TNRC6B: variants seen among roughly 807,000 people sequenced by gnomAD.
TNRC6B encodes the protein trinucleotide repeat-containing gene 6B protein.
A neutral mutation model predicts 203.6 loss-of-function variants in TNRC6B; 52 were observed. The observed-to-expected ratio is 0.26, with a 90% CI of 0.20 to 0.32. TNRC6B has a LOEUF of 0.32. TNRC6B is among the 10% of genes least tolerant of loss of function. The pLI, the probability that TNRC6B is intolerant of heterozygous loss-of-function variation, is 1.00. For synonymous variants in TNRC6B, 838 were observed against 845.7 expected, an observed-to-expected ratio of 0.99 and a Z score of 0.16; for missense variants, 1,923 against 2,286.2, an observed-to-expected ratio of 0.84 and a Z score of 3.24.
In TNRC6B at chr22:40,334,575, ATC is replaced by A. The variant is rs1335077939; in HGVS notation, c.*11336_*11337del. 1.3e-5 allele frequency: 2 copies of A among 152,612 alleles called. No individual in the cohort carries two copies. Among genetic ancestry groups the A allele is most frequent in the Admixed American group, 6.5e-5 (1 of 15,276 alleles). The allele number at this position is 152,612 out of a possible 1,614,324, so 9.5% of individuals were successfully genotyped here. A position where few individuals can be genotyped will look rare whatever the true frequency, so the allele number is the denominator to read the frequency against. ...TGAGGAGAGGTTTCTGGACTATTTT[ATC>A]TGTCTCCATTTAGATGGAGATATAA... On this transcript the variant is annotated 3_prime_UTR_variant, in exon 23 of 23. Transcript: ENST00000454349.
chr22:40,228,777 G>A (rs2069827267), intron 1 of TNRC6B, among the ~76,000 whole-genome samples: 1 of 151,816 alleles, frequency 6.6e-6, no homozygotes, highest in Non-Finnish European at 1.5e-5. Context: ...ACCCACCTCG[G>A]CCTCCCAAAG....
chr22:40,301,479 C>A, intron 15 of TNRC6B, 146 bp downstream of exon 15: 2 of 898,802 alleles, frequency 2.2e-6, no homozygotes, highest in Non-Finnish European at 3.3e-6. Context: ...GATGAGACAT[C>A]TGAGGCTTCT....
At chr22:40,306,814 C>T (rs1287465271) in intron 15 of TNRC6B, among the ~76,000 whole-genome samples, 1 of 152,048 alleles carries the variant, frequency 6.6e-6, no homozygotes, top group African/African-American at 2.4e-5. Context: ...GGTGAAACCC[C>T]GTCTCTACTA....
chr22:40,327,831 G>A lies in TNRC6B; in HGVS notation c.*4590G>A, dbSNP rs1300733734. The A allele has an allele frequency of 6.6e-6, 1 of 151,352 alleles. No homozygotes were observed. The highest frequency in any genetic ancestry group is 2.4e-5 in the African/African-American group (1 of 41,228). 9.4% of individuals were successfully genotyped at this position (151,352 alleles called of 1,614,324 possible). A position where few individuals can be genotyped will look rare whatever the true frequency, so the allele number is the denominator to read the frequency against. On this transcript the variant is annotated 3_prime_UTR_variant, in exon 23 of 23. Transcript: ENST00000454349. ...TTTATTTTAAAAACATTTTGATTAT[G>A]TTAATTTGAGCTTTCCCTTTTTTTT... is the stretch of plus-strand genomic sequence containing the variant.
In TNRC6B at chr22:40,085,841, G is replaced by A. The variant is rs558328705; in HGVS notation, c.-120-31214G>A. Among the ~76,000 whole-genome samples, 8 of 134,846 alleles carry A rather than the reference G, an allele frequency of 5.9e-5. No individual in the cohort carries two copies. In the East Asian group the frequency reaches 1.4e-3, roughly 23 times the overall value. The allele number at this position is 134,846 out of a possible 152,430, so 88.5% of individuals were successfully genotyped here. On this transcript the variant is annotated intron_variant, in intron 1 of 23. Transcript: ENST00000301923. The stretch of plus-strand genomic sequence containing the variant: ...TTTGTTAGCTAGAGAAACTATTTTT[G>A]TTGTTGCTGTTGTTGTTGTTGTTGT...
intron 1 of TNRC6B, among the ~76,000 whole-genome samples, chr22:40,209,416 GGCTTGGAAATCA>G (rs1156530456): frequency 6.6e-6 from 1 of 152,044 alleles, no homozygotes; most frequent in East Asian, 1.9e-4. Flanking sequence ...TAAGAACATG[GGCTTGGAAATCA>G]GACAAACAAA....
chr22:40,193,528 A>G (rs2146396613), intron 1 of TNRC6B, among the ~76,000 whole-genome samples: 1 of 152,242 alleles, frequency 6.6e-6, no homozygotes, highest in Middle Eastern at 3.4e-3. Context: ...CGTGAGGATG[A>G]GCTCTACCTC....
At chr22:40,158,642 ATGCCATGTGTCGTATCCT>A (rs1188233749) in intron 4 of TNRC6B, among the ~76,000 whole-genome samples, 1 of 152,158 alleles carries the variant, frequency 6.6e-6, no homozygotes, top group Non-Finnish European at 1.5e-5. Context: ...GCAAGTTGGA[ATGCCATGTGTCGTATCCT>A]TACCATTCTC....
chr22:40,205,816 T>C (rs1476257862), intron 1 of TNRC6B, among the ~76,000 whole-genome samples: 1 of 152,218 alleles, frequency 6.6e-6, no homozygotes, highest in Non-Finnish European at 1.5e-5. Context: ...GCTACTTTGA[T>C]TGGCAGAACC....
At position 40,330,453 on chromosome 22, in the gene TNRC6B, C is replaced by T. The variant is rs539866572; in HGVS notation, c.*7212C>T. The T allele has an allele frequency of 7.2e-5, 11 of 152,258 alleles. No individual in the cohort carries two copies. The highest frequency in any genetic ancestry group is 2.6e-4 in the African/African-American group (11 of 41,526). The allele number at this position is 152,258 out of a possible 1,614,324, so 9.4% of individuals were successfully genotyped here. A position where few individuals can be genotyped will look rare whatever the true frequency, so the allele number is the denominator to read the frequency against. On this transcript the variant is annotated 3_prime_UTR_variant, in exon 23 of 23. Transcript: ENST00000454349. ...GGACTAGCCCTACAGAAGAGCTTTA[C>T]AGAGAGGAGGACAGTACATCCTATG...
chr22:40,253,826 C>A, intron 3 of TNRC6B: 1 of 425,958 alleles, frequency 2.3e-6, no homozygotes, highest in Admixed American at 2.6e-5. Flanking sequence ...TCTCCTTCTT[C>A]TTCTCTTACC....
rs190974007 is a variant in TNRC6B at position 40,149,159 on chromosome 22, A to G, written c.46-6956A>G. On this transcript the variant is annotated intron_variant, in intron 3 of 23. Transcript: ENST00000301923. The stretch of plus-strand genomic sequence containing the variant: ...ATCAAATTGTGATACATTCTGAACA[A>G]TGGAATACTACTCAGCTGTGAAAGG... Among the ~76,000 whole-genome samples the G allele has an allele frequency of 2.6e-5, 4 of 152,364 alleles. No homozygotes were observed. The East Asian group carries it at 7.7e-4, about 29-fold the overall frequency.
intron 13 of TNRC6B, 153 bp from the exon 14 acceptor site, chr22:40,300,757 A>G (rs1014224071): frequency 9.8e-6 from 12 of 1,225,132 alleles, no homozygotes; most frequent in Non-Finnish European, 1.0e-5. Flanking sequence ...AACTGGAGGA[A>G]AATGTAACCA....
intron 1 of TNRC6B, among the ~76,000 whole-genome samples, chr22:40,081,315 T>TG: frequency 6.7e-6 from 1 of 148,604 alleles, no homozygotes; most frequent in African/African-American, 2.6e-5. Context: ...GTGTTTTTTT[T>TG]TTTTTTTTTT....
At chr22:40,073,525 A>G (rs1814675682) in intron 1 of TNRC6B, among the ~76,000 whole-genome samples, 1 of 152,110 alleles carries the variant, frequency 6.6e-6, no homozygotes, top group Non-Finnish European at 1.5e-5. Flanking sequence ...CTATGACATT[A>G]CAAAGAGCCA....
chr22:40,100,238 C>T (rs568834427), intron 1 of TNRC6B, among the ~76,000 whole-genome samples: 1 of 152,030 alleles, frequency 6.6e-6, no homozygotes, highest in African/African-American at 2.4e-5. Flanking sequence ...AGGCCTGTGC[C>T]ACCACACCCA....
chr22:40,211,412 G>T (rs775988645), intron 1 of TNRC6B, among the ~76,000 whole-genome samples: 1 of 151,790 alleles, frequency 6.6e-6, no homozygotes, highest in Middle Eastern at 3.2e-3. Flanking sequence ...CATCGTTCAT[G>T]TGTTAGTTTG....
At chr22:40,258,823 C>T (rs1209962488) in intron 3 of TNRC6B, among the ~76,000 whole-genome samples, 2 of 152,208 alleles carry the variant, frequency 1.3e-5, no homozygotes, top group Non-Finnish European at 2.9e-5. Context: ...CAAATTTCTT[C>T]AGTTGAAACA....
At chr22:40,202,451 C>G (rs1248607562) in intron 1 of TNRC6B, among the ~76,000 whole-genome samples, 1 of 151,984 alleles carries the variant, frequency 6.6e-6, no homozygotes, top group African/African-American at 2.4e-5. Context: ...TAAACCATTG[C>G]TGCTGTAACT....
Sources: gnomAD v4.1 joint callset for allele counts (sites outside exome capture counted in the v4.1 genomes callset) on GRCh38, gnomAD v4.1.1 for gene constraint, MANE v1.5 for transcripts, NCBI Gene and HGNC (gene_info 2026-07-23, HGNC 2026-07-21) for gene names.